The following CLCNKB variants were observed in gnomAD, a reference collection of about 807,000 sequenced individuals.
CLCNKB encodes the protein chloride channel protein ClC-Kb.
CLCNKB carries 74 observed loss-of-function variants against 83.8 expected under a neutral mutation model. The observed-to-expected ratio is 0.88, with a 90% CI of 0.73 to 1.07. The LOEUF is 1.07. CLCNKB is among the 50% of genes least tolerant of loss of function. The pLI, the probability that CLCNKB is intolerant of heterozygous loss-of-function variation, is 0.00. For missense variants in CLCNKB, 798 were observed against 893.6 expected (o/e 0.89, Z 1.36); for synonymous variants, 358 against 356.6 (o/e 1.00, Z -0.04).
chr1:16,043,843 G>T lies in CLCNKB; in HGVS notation c.-45G>T. On this transcript the variant is annotated 5_prime_UTR_variant, in exon 1 of 20. Coordinates refer to ENST00000375679, the MANE Select transcript of CLCNKB (RefSeq NM_000085.5). ...TGCAGGGGAGCTGGAGGCTCTGTGA[G>T]AGGAGGGCCAGCTCAGCCACAGCAG... The T allele has an allele frequency of 6.6e-6, 1 of 152,154 alleles. No homozygotes were observed. The highest frequency in any genetic ancestry group is 1.5e-5 in the Non-Finnish European group (1 of 68,166). The allele number at this position is 152,154 out of a possible 1,614,324, so 9.4% of individuals were successfully genotyped here. A position where few individuals can be genotyped will look rare whatever the true frequency, so the allele number is the denominator to read the frequency against.
In CLCNKB at chr1:16,045,099, G is replaced by A. The variant is rs2023061035; in HGVS notation, c.101-459G>A. On this transcript the variant is annotated intron_variant, in intron 2 of 19. Transcript: ENST00000375679. The stretch of plus-strand genomic sequence containing the variant: ...CACAGCCAGTGAGGGCCAGCTCCCA[G>A]GCTGGGCTAGCAGCCAGTGGGCCAG... 5.9e-5 allele frequency among the ~76,000 whole-genome samples: 6 copies of A among 101,988 alleles called. No homozygotes were observed. In the South Asian group the frequency reaches 2.6e-3, roughly 43 times the overall value. The allele number at this position is 101,988 out of a possible 152,430, so 66.9% of individuals were successfully genotyped here.
Position 16,050,412 on chromosome 1 carries a change from T to C in CLCNKB, c.969-104T>C, listed in dbSNP as rs1415590241. 16 of 1,273,602 alleles carry C rather than the reference T, an allele frequency of 1.3e-5. No homozygotes were observed. The East Asian group carries it at 2.8e-4, about 22-fold the overall frequency. The allele number at this position is 1,273,602 out of a possible 1,614,324, so 78.9% of individuals were successfully genotyped here. A position where few individuals can be genotyped will look rare whatever the true frequency, so the allele number is the denominator to read the frequency against. On this transcript the variant is annotated intron_variant, in intron 10 of 19. Coordinates refer to ENST00000375679, the MANE Select transcript of CLCNKB (RefSeq NM_000085.5). Reference sequence around the variant, plus strand: ...GAGCTGGCCCAGTCCATGTCCCCCATTCCTGCTCTTCCTCCCCAGTCCTTG... The same window carrying C: ...GAGCTGGCCCAGTCCATGTCCCCCACTCCTGCTCTTCCTCCCCAGTCCTTG...
intron 1 of CLCNKB, 141 bp from the exon 2 acceptor site, chr1:16,044,344 GA>G: frequency 3.5e-6 from 1 of 289,240 alleles, no homozygotes; most frequent in South Asian, 4.1e-5. Context: ...GACCTAGTGT[GA>G]TAACTTCACA....
rs2023366590 is a variant in CLCNKB at position 16,053,774 on chromosome 1, T to G, written c.1756+2T>G. On this transcript the variant is annotated splice_donor_variant, in intron 16 of 19. Transcript: ENST00000375679. LOFTEE classifies it high-confidence loss of function. ...AGTATCCCCTGGTGGAGAGCACAGGTGCCCAGCCGGAAGGGAGGAGGAAGT... is the reference window on the plus strand; with the variant it reads ...AGTATCCCCTGGTGGAGAGCACAGGGGCCCAGCCGGAAGGGAGGAGGAAGT... 6.2e-7 allele frequency: 1 copy of G among 1,613,568 alleles called. No homozygotes were observed. The highest frequency in any genetic ancestry group is 1.3e-5 in the African/African-American group (1 of 74,850).
chr1:16,056,146 G>A (rs2023430266), intron 18 of CLCNKB, among the ~76,000 whole-genome samples: 1 of 152,212 alleles, frequency 6.6e-6, no homozygotes, highest in Admixed American at 6.5e-5. Flanking sequence ...TTGGGGAGGG[G>A]CAGAGGCTGA....
At chr1:16,051,198 T>A in intron 12 of CLCNKB, 150 bp downstream of exon 12, 1 of 1,252,116 alleles carries the variant, frequency 8.0e-7, no homozygotes, top group Non-Finnish European at 1.1e-6. Flanking sequence ...CCTGGACAAG[T>A]GGCTTCAGCT....
chr1:16,044,449 A>T (rs750016311), intron 1 of CLCNKB, 37 bp from the exon 2 acceptor site: 3 of 1,536,324 alleles, frequency 2.0e-6, no homozygotes, highest in Non-Finnish European at 2.7e-6. Context: ...GACGTGCAGC[A>T]GCTCACCGCG....
At position 16,046,533 on chromosome 1, in the gene CLCNKB, A is replaced by C. The variant is rs1231218562; in HGVS notation, c.230-2A>C. ...GCCTCCCTGATACCCGGCTGTCCCC[A>C]GCGCACCAGTGGCTGTACAGGGAGA... On this transcript the variant is annotated splice_acceptor_variant, in intron 3 of 19. Transcript: ENST00000375679. LOFTEE classifies it high-confidence loss of function. 6.2e-7 allele frequency: 1 copy of C among 1,613,806 alleles called. No individual in the cohort carries two copies. The highest frequency in any genetic ancestry group is 8.5e-7 in the Non-Finnish European group (1 of 1,180,008).
At chr1:16,055,580 G>A in intron 17 of CLCNKB, 57 bp downstream of exon 17, 1 of 1,553,716 alleles carries the variant, frequency 6.4e-7, no homozygotes, top group Non-Finnish European at 8.9e-7. Flanking sequence ...AGGAATGGGA[G>A]GAGAGGGGCC....
chr1:16,056,460 C>T lies in CLCNKB; in HGVS notation c.1968C>T (p.Leu656=), dbSNP rs2023443828. ...TTGAGCTGTTGAACCTTCATTCCCT[C>T]TTTGTGACGTCGCGGGGCAGAGCTG... ...NLFELLNLHS[L]FVTSRGRAVG... is the part of the protein sequence containing the mutation. The change falls in exon 19 of 20, where the codon CTC becomes CTT. Residue 656 remains leucine, a synonymous_variant. Transcript: ENST00000375679. The T allele has an allele frequency of 6.2e-7, 1 of 1,612,114 alleles. No homozygotes were observed. The highest frequency in any genetic ancestry group is 1.7e-4 in the Middle Eastern group (1 of 6,058).
chr1:16,048,436 G>T lies in CLCNKB; in HGVS notation c.576+16G>T. On this transcript the variant is annotated intron_variant, in intron 6 of 19. Coordinates refer to ENST00000375679, the MANE Select transcript of CLCNKB (RefSeq NM_000085.5). ...GGAGCCTGAGGTTAGGGACTCGGGG[G>T]CTTCCTTGGAGAAATGGGAGTGGGG... 1.2e-6 allele frequency: 2 copies of T among 1,613,896 alleles called. No individual in the cohort carries two copies. Among genetic ancestry groups the T allele is most frequent in the Non-Finnish European group, 1.7e-6 (2 of 1,179,952 alleles).
intron 6 of CLCNKB, 31 bp from the exon 7 acceptor site, chr1:16,048,473 T>G: frequency 6.2e-7 from 1 of 1,613,164 alleles, no homozygotes; most frequent in Middle Eastern, 1.7e-4. Flanking sequence ...GGGAGGGGGC[T>G]GACTCTGAGC....
At position 16,053,648 on chromosome 1, in the gene CLCNKB, C is replaced by G; in HGVS notation, c.1632C>G (p.Arg544=). 6.2e-7 allele frequency: 1 copy of G among 1,613,948 alleles called. No homozygotes were observed. Among genetic ancestry groups the G allele is most frequent in the South Asian group, 1.1e-5 (1 of 91,088 alleles). ...RILGRNIGSH[R]VRVEHFMNHS... is the part of the protein sequence containing the mutation. ...GCCCCTCTGCCTGCAGTTCCCACCGCGTGAGGGTGGAGCACTTCATGAACC... is the reference window on the plus strand; with the variant it reads ...GCCCCTCTGCCTGCAGTTCCCACCGGGTGAGGGTGGAGCACTTCATGAACC... Residue 544 remains arginine (R), a synonymous_variant, in exon 16 of 20, where the codon CGC becomes CGG. Coordinates refer to ENST00000375679, the MANE Select transcript of CLCNKB (RefSeq NM_000085.5).
At position 16,043,884 on chromosome 1, in the gene CLCNKB, A is replaced by AT. The variant is rs1254610843; in HGVS notation, c.-8+4_-8+5insT. ...GCCACAGCAGGAGGACTGACAGGTGAGGGGTCGCTGCAAGATGCTGGGGCC... is the reference window on the plus strand; with the variant it reads ...GCCACAGCAGGAGGACTGACAGGTGATGGGGTCGCTGCAAGATGCTGGGGCC... On this transcript the variant is annotated splice_donor_region_variant and intron_variant, in intron 1 of 19. Transcript: ENST00000375679. 8.3e-6 allele frequency: 1 copy of AT among 119,902 alleles called. No individual in the cohort carries two copies. The highest frequency in any genetic ancestry group is 3.4e-5 in the African/African-American group (1 of 29,662). The allele number at this position is 119,902 out of a possible 1,614,324, so 7.4% of individuals were successfully genotyped here.
At position 16,044,539 on chromosome 1, in the gene CLCNKB, T is replaced by A; in HGVS notation, c.47T>A (p.Val16Glu). The A allele has an allele frequency of 6.2e-7, 1 of 1,607,322 alleles. No homozygotes were observed. The highest frequency in any genetic ancestry group is 8.5e-7 in the Non-Finnish European group (1 of 1,177,696). ...CGTGAAGGCTCCTCAGGGAACCCTGTGACTCTGCAGGAGCTGTGGGGCCCC... is the reference window on the plus strand; with the variant it reads ...CGTGAAGGCTCCTCAGGGAACCCTGAGACTCTGCAGGAGCTGTGGGGCCCC... ...GLREGSSGNP[V>E]TLQELWGPCP... The change falls in exon 2 of 20, where the codon GTG (valine) becomes GAG (glutamate). Residue 16 changes from valine (V) to glutamate (E), a missense_variant. By Grantham distance (121) the Val-to-Glu change is moderately radical. Coordinates refer to ENST00000375679, the MANE Select transcript of CLCNKB (RefSeq NM_000085.5).
chr1:16,054,842 T>C (rs192721189), intron 16 of CLCNKB, among the ~76,000 whole-genome samples: 2 of 152,142 alleles, frequency 1.3e-5, no homozygotes, highest in East Asian at 3.9e-4. Flanking sequence ...TAGCCTTCAG[T>C]GTTCATTTAA....
At position 16,056,186 on chromosome 1, in the gene CLCNKB, C is replaced by A. The variant is rs112321434; in HGVS notation, c.1930-236C>A. On this transcript the variant is annotated intron_variant, in intron 18 of 19. Transcript: ENST00000375679. Reference sequence around the variant, plus strand: ...GGACCTGGAGATGGCCCCGCCCCCTCTGTGCTGCTGGAGGGTGCTGGATAT... The same window carrying A: ...GGACCTGGAGATGGCCCCGCCCCCTATGTGCTGCTGGAGGGTGCTGGATAT... Among the ~76,000 whole-genome samples, 616 of 152,242 alleles carry A rather than the reference C, an allele frequency of 4.0e-3. 6 individuals are homozygous for A. Among genetic ancestry groups the A allele is most frequent in the African/African-American group, 0.014 (588 of 41,518 alleles).
At chr1:16,050,723 G>C (rs1373948133) in intron 11 of CLCNKB, 123 bp downstream of exon 11, 1 of 1,474,550 alleles carries the variant, frequency 6.8e-7, no homozygotes, top group African/African-American at 1.4e-5. Context: ...TTTTATAGAT[G>C]ATACTACAGC....
chr1:16,045,774 GA>G (rs2023082679), intron 3 of CLCNKB, 88 bp downstream of exon 3: 2 of 1,205,246 alleles, frequency 1.7e-6, no homozygotes, highest in Non-Finnish European at 2.3e-6. Flanking sequence ...AGGTGCAGCG[GA>G]GGTTGGGGGG....
Sources: allele counts gnomAD v4.1 joint callset (sites outside exome capture counted in the v4.1 genomes callset), GRCh38; gene constraint gnomAD v4.1.1; transcripts MANE v1.5; gene names NCBI Gene and HGNC (gene_info 2026-07-23, HGNC 2026-07-21).